The following HPSE2 variants were observed in gnomAD, a reference collection of about 807,000 sequenced individuals.
HPSE2 encodes heparanase 2 (inactive).
HPSE2 carries 38 observed loss-of-function variants against 60.5 expected under a neutral mutation model. That is an observed-to-expected ratio of 0.63 (90% CI 0.48 to 0.82). The LOEUF (loss-of-function observed/expected upper bound fraction) is 0.82. Among genes scored for constraint, HPSE2 ranks in the 40% least tolerant of loss-of-function variants. The pLI, the probability that HPSE2 is intolerant of heterozygous loss-of-function variation, is 0.00. For synonymous variants in HPSE2, 295 were observed against 293.2 expected (o/e 1.01, Z -0.06); for missense variants, 713 against 740.4 (o/e 0.96, Z 0.43).
Position 99,232,214 on chromosome 10 carries a change from TACACACACACACACACAC to T in HPSE2, c.448+116_448+133del, listed in dbSNP as rs59437000. The T allele has an allele frequency of 7.8e-5, 70 of 898,258 alleles. No homozygotes were observed. The East Asian group carries it at 1.2e-3, about 16-fold the overall frequency. The allele number at this position is 898,258 out of a possible 1,614,324, so 55.6% of individuals were successfully genotyped here. ...ATCTGCCCCAACGCGCGCGCGCGCA[TACACACACACACACACAC>T]ACACACACACACACACACACACACG... is the stretch of plus-strand genomic sequence containing the variant. On this transcript the variant is annotated intron_variant, in intron 2 of 11. Transcript: ENST00000370552.
chr10:99,033,914 C>A (rs1957553839), intron 3 of HPSE2, among the ~76,000 whole-genome samples: 1 of 152,210 alleles, frequency 6.6e-6, no homozygotes, highest in African/African-American at 2.4e-5. Context: ...AACAGTGTGG[C>A]AGTTTCCTAT....
chr10:98,920,938 T>G (rs1954265061), intron 3 of HPSE2, among the ~76,000 whole-genome samples: 1 of 152,190 alleles, frequency 6.6e-6, no homozygotes, highest in Non-Finnish European at 1.5e-5. Flanking sequence ...CAGCTGCCAG[T>G]AGAATATTTG....
intron 6 of HPSE2, among the ~76,000 whole-genome samples, chr10:98,686,921 G>T (rs1050323999): frequency 6.6e-6 from 1 of 151,786 alleles, no homozygotes; most frequent in Admixed American, 6.6e-5. Context: ...AATGTGAATT[G>T]TCAGTCTGTT....
At chr10:98,729,056 G>C (rs1431471585) in intron 4 of HPSE2, among the ~76,000 whole-genome samples, 1 of 151,832 alleles carries the variant, frequency 6.6e-6, no homozygotes, top group Non-Finnish European at 1.5e-5. Flanking sequence ...AATGAAAACA[G>C]TACCTTAGAC....
the HPSE2 span, among the ~76,000 whole-genome samples, chr10:99,276,371 T>A: frequency 6.6e-5 from 10 of 152,178 alleles, no homozygotes; most frequent in African/African-American, 2.4e-4. Flanking sequence ...GTAATAAAAT[T>A]GCATAGTTGG....
intron 11 of HPSE2, among the ~76,000 whole-genome samples, chr10:98,463,342 G>A (rs1446481792): frequency 2.0e-5 from 3 of 152,200 alleles, no homozygotes; most frequent in Non-Finnish European, 4.4e-5. Flanking sequence ...AGACCTCTGG[G>A]AGTGGGCATT....
intron 3 of HPSE2, among the ~76,000 whole-genome samples, chr10:99,049,886 A>T (rs1040176147): frequency 1.2e-4 from 18 of 152,212 alleles, no homozygotes; most frequent in Non-Finnish European, 2.9e-5. Flanking sequence ...ATGAACTCTG[A>T]CAACTTAATA....
At chr10:98,559,921 G>C (rs532445041) in intron 9 of HPSE2, among the ~76,000 whole-genome samples, 3 of 152,236 alleles carry the variant, frequency 2.0e-5, no homozygotes, top group Non-Finnish European at 2.9e-5. Flanking sequence ...ACAAAGACTG[G>C]GTTCTGGGTT....
At chr10:98,689,875 CTT>C (rs963930675) in intron 6 of HPSE2, among the ~76,000 whole-genome samples, 3 of 152,164 alleles carry the variant, frequency 2.0e-5, no homozygotes, top group African/African-American at 7.2e-5. Flanking sequence ...AGGCATAACT[CTT>C]TTAGATTTCA....
chr10:98,971,955 T>C (rs1182836772), intron 3 of HPSE2, among the ~76,000 whole-genome samples: 2 of 152,154 alleles, frequency 1.3e-5, no homozygotes, highest in African/African-American at 4.8e-5. Flanking sequence ...TTTATGTTTT[T>C]ATGTCACAAT....
chr10:98,572,611 G>A lies in HPSE2; in HGVS notation c.1320+42293C>T, dbSNP rs146236042. On this transcript the variant is annotated intron_variant, in intron 9 of 11. Coordinates refer to ENST00000370552, the MANE Select transcript of HPSE2 (RefSeq NM_021828.5). ...CATCTCTCCACTTTTCTGCTTTCTC[G>A]AGAGTGAACTCACCTTCCATGACTA... Among the ~76,000 whole-genome samples, 812 of 152,308 alleles carry A rather than the reference G, an allele frequency of 5.3e-3. 6 individuals carry two copies. The highest frequency in any genetic ancestry group is 0.018 in the African/African-American group (769 of 41,568).
At chr10:98,489,080 G>A (rs1402364261) in intron 10 of HPSE2, among the ~76,000 whole-genome samples, 6 of 152,188 alleles carry the variant, frequency 3.9e-5, no homozygotes, top group African/African-American at 1.2e-4. Context: ...GGCCTGGGCT[G>A]GAATGAAGGT....
chr10:98,692,219 A>G (rs930155546), intron 6 of HPSE2, among the ~76,000 whole-genome samples: 4 of 152,148 alleles, frequency 2.6e-5, no homozygotes, highest in African/African-American at 9.6e-5. Flanking sequence ...ACAGCATTTC[A>G]GGCAGAAGGA....
rs1954791835 is a variant in HPSE2, at chr10:98,936,410, C to T, written c.611-192354G>A. ...AGCTGCCCAGTTTTTTGCTTGAGAC[C>T]CAGGGGCCTGGTGGTGTAGGCTCAC... On this transcript the variant is annotated intron_variant, in intron 3 of 11. Transcript: ENST00000370552. Among the ~76,000 whole-genome samples, 2 of 143,280 alleles carry T rather than the reference C, an allele frequency of 1.4e-5. 1 individual carries two copies. Among genetic ancestry groups the T allele is most frequent in the African/African-American group, 5.7e-5 (2 of 35,078 alleles). 94.0% of individuals were successfully genotyped at this position (143,280 alleles called of 152,430 possible). A position where few individuals can be genotyped will look rare whatever the true frequency, so the allele number is the denominator to read the frequency against.
At chr10:98,951,466 C>T (rs924622504) in intron 3 of HPSE2, among the ~76,000 whole-genome samples, 4 of 151,936 alleles carry the variant, frequency 2.6e-5, no homozygotes, top group Non-Finnish European at 5.9e-5. Context: ...TGGAGAAGCA[C>T]CAGGGAAGTG....
intron 3 of HPSE2, among the ~76,000 whole-genome samples, chr10:98,900,801 A>G (rs1213164001): frequency 1.3e-5 from 2 of 152,188 alleles, no homozygotes; most frequent in Non-Finnish European, 2.9e-5. Context: ...TGCAAACACA[A>G]TTTGGCAATT....
intron 3 of HPSE2, among the ~76,000 whole-genome samples, chr10:99,112,891 A>G (rs1379488852): frequency 6.6e-6 from 1 of 152,112 alleles, no homozygotes; most frequent in Non-Finnish European, 1.5e-5. Flanking sequence ...AGTATGTTCA[A>G]TTGCCCACAC....
intron 9 of HPSE2, among the ~76,000 whole-genome samples, chr10:98,545,074 G>C (rs978831774): frequency 9.2e-5 from 14 of 152,252 alleles, no homozygotes; most frequent in South Asian, 4.1e-4. Flanking sequence ...TAAATTCCTC[G>C]ACACATACAC....
the HPSE2 span, among the ~76,000 whole-genome samples, chr10:99,248,162 C>T: frequency 2.6e-5 from 4 of 152,256 alleles, no homozygotes; most frequent in East Asian, 7.7e-4. Context: ...GAGGTTGGAA[C>T]AGTTTGAAGG....
Sources: allele counts gnomAD v4.1 joint callset (sites outside exome capture counted in the v4.1 genomes callset), GRCh38; gene constraint gnomAD v4.1.1; transcripts MANE v1.5; gene names NCBI Gene and HGNC (gene_info 2026-07-23, HGNC 2026-07-21).